Variants in CEP76 observed in about 807,000 individuals in gnomAD.
CEP76 encodes the protein centrosomal protein of 76 kDa.
In CEP76, 55 loss-of-function variants were observed where a neutral mutation model predicts 83.3. The ratio of observed to expected loss-of-function variants is 0.66; its 90% CI spans 0.53 to 0.83. The LOEUF (loss-of-function observed/expected upper bound fraction) is 0.83, where lower values mean the gene tolerates loss of function less well. Among genes scored for constraint, CEP76 ranks in the 40% least tolerant of loss-of-function variants. The pLI, the probability that CEP76 is intolerant of heterozygous loss-of-function variation, is 0.00. For missense variants in CEP76, 694 were observed against 799.5 expected, an observed-to-expected ratio of 0.87 and a Z score of 1.59; for synonymous variants, 270 against 274.5, an observed-to-expected ratio of 0.98 and a Z score of 0.16.
At chr18:12,664,349 C>A (rs537475011) in intron 12 of CEP76, among the ~76,000 whole-genome samples, 1 of 152,154 alleles carries the variant, frequency 6.6e-6, no homozygotes, top group Non-Finnish European at 1.5e-5. Context: ...CGAGACCATC[C>A]TGGCTAACAC....
chr18:12,678,171 C>T lies in CEP76; in HGVS notation c.1561G>A (p.Ala521Thr), dbSNP rs752539145. 7.4e-6 allele frequency: 12 copies of T among 1,614,022 alleles called. No individual in the cohort carries two copies. The highest frequency in any genetic ancestry group is 4.0e-5 in the African/African-American group (3 of 74,912). ...TCAATTTCATTACTTGTTACTGACG[C>T]GTCAATTGTGGATGCACACAGAGGT... ...FPPLCASTID[A>T]SVTSNEIEMQ... The change falls in exon 10 of 12, where the codon GCG becomes ACG. Residue 521 changes from alanine to threonine, a missense_variant. By Grantham distance (58) the Ala-to-Thr change is moderately conservative. Transcript: ENST00000262127.
rs765652085 is a variant in CEP76 at position 12,683,186 on chromosome 18, C to CAAAAAAAAAAAAAAAAA, written c.1123-2375_1123-2359dup. Among the ~76,000 whole-genome samples, 32 of 63,656 alleles carry CAAAAAAAAAAAAAAAAA rather than the reference C, an allele frequency of 5.0e-4. 1 individual carries two copies. Among genetic ancestry groups the CAAAAAAAAAAAAAAAAA allele is most frequent in the African/African-American group, 5.9e-4 (10 of 16,982 alleles). 41.8% of individuals were successfully genotyped at this position (63,656 alleles called of 152,430 possible). On this transcript the variant is annotated intron_variant, in intron 8 of 11. Transcript: ENST00000262127. ...GAAACCCCATCTCTACTAAAAATAC[C>CAAAAAAAAAAAAAAAAA]AAAAAAAAAAAAAAAAAAGCCAGGC...
At chr18:12,686,896 G>C (rs1290544495) in intron 7 of CEP76, 1 of 152,408 alleles carries the variant, frequency 6.6e-6, no homozygotes, top group East Asian at 1.9e-4. Context: ...CTTGATTCTA[G>C]TTTGTTTCCA....
In CEP76 at chr18:12,699,148, A is replaced by AG; in HGVS notation, c.350dup (p.Glu120GlyfsTer7). ...CAGGTTCTTGCAGATGTTCCAAGAAAGCTTTTCCACCCAAAACCTGAAGGT... is the reference window on the plus strand; with the variant it reads ...CAGGTTCTTGCAGATGTTCCAAGAAAGGCTTTTCCACCCAAAACCTGAAGGT... On this transcript the variant is annotated frameshift_variant, in exon 4 of 12. Coordinates refer to ENST00000262127, the MANE Select transcript of CEP76 (RefSeq NM_024899.4). LOFTEE classifies it high-confidence loss of function. 3.7e-6 allele frequency: 6 copies of AG among 1,614,152 alleles called. No homozygotes were observed. Among genetic ancestry groups the AG allele is most frequent in the Non-Finnish European group, 5.1e-6 (6 of 1,179,998 alleles).
chr18:12,691,468 T>C lies in CEP76; in HGVS notation c.824A>G (p.Lys275Arg), dbSNP rs1179795087. ...AAATAATCGCTCTTTCTCTGCAGTTTTCTGACGTTCCAAAGCAAGCTTGAA... is the reference window on the plus strand; with the variant it reads ...AAATAATCGCTCTTTCTCTGCAGTTCTCTGACGTTCCAAAGCAAGCTTGAA... Reference protein sequence around the residue: ...VNTQLALERQKTAEKERLFLV... With the variant: ...VNTQLALERQRTAEKERLFLV... Residue 275 changes from lysine to arginine, a missense_variant, in exon 7 of 12, where the codon AAA becomes AGA. By Grantham distance (26) the Lys-to-Arg change is conservative. Coordinates refer to ENST00000262127, the MANE Select transcript of CEP76 (RefSeq NM_024899.4). 4 of 1,598,362 alleles carry C rather than the reference T, an allele frequency of 2.5e-6. No individual in the cohort carries two copies. The highest frequency in any genetic ancestry group is 1.3e-5 in the African/African-American group (1 of 74,308).
chr18:12,678,020 A>T, intron 10 of CEP76, 89 bp downstream of exon 10: 1 of 959,088 alleles, frequency 1.0e-6, no homozygotes, highest in East Asian at 2.5e-5. Context: ...GGGCTAGAAT[A>T]GTGACTGGCA....
chr18:12,700,338 G>A (rs2040109101), intron 2 of CEP76: 2 of 153,006 alleles, frequency 1.3e-5, no homozygotes, highest in African/African-American at 4.8e-5. Flanking sequence ...AAAAGGTGCT[G>A]TATTAAAATA....
chr18:12,670,581 G>T (rs2038917741), downstream of CEP76: 1 of 151,956 alleles, frequency 6.6e-6, no homozygotes, highest in African/African-American at 2.4e-5. Flanking sequence ...CTCATAGTTT[G>T]TCTCAAAAGT....
In CEP76 at chr18:12,693,451, G is replaced by A. The variant is rs889264095; in HGVS notation, c.804+1803C>T. On this transcript the variant is annotated intron_variant, in intron 6 of 11. Coordinates refer to ENST00000262127, the MANE Select transcript of CEP76 (RefSeq NM_024899.4). ...AATAAAATTTAATTAAAAAAAACAA[G>A]CTACTACCCCAAAAAAGTAGAGCCC... 1.3e-4 allele frequency among the ~76,000 whole-genome samples: 19 copies of A among 151,858 alleles called. No homozygotes were observed. In the South Asian group the frequency reaches 3.8e-3, roughly 30 times the overall value.
At chr18:12,664,213 C>T (rs1416257796) in intron 12 of CEP76, among the ~76,000 whole-genome samples, 1 of 151,974 alleles carries the variant, frequency 6.6e-6, no homozygotes, top group Non-Finnish European at 1.5e-5. Flanking sequence ...TGGGCCGGGA[C>T]TACAGGGATG....
intron 8 of CEP76, among the ~76,000 whole-genome samples, chr18:12,681,335 C>T (rs2039343838): frequency 1.3e-5 from 2 of 149,630 alleles, no homozygotes. Flanking sequence ...CAGCCTTGAC[C>T]TCCTGGGCTT....
intron 10 of CEP76, among the ~76,000 whole-genome samples, chr18:12,676,697 T>C (rs574345639): frequency 6.6e-6 from 1 of 152,302 alleles, no homozygotes; most frequent in East Asian, 1.9e-4. Context: ...TCCAGCAATA[T>C]AATGGACCAG....
chr18:12,692,944 T>G (rs1568027667), intron 6 of CEP76, among the ~76,000 whole-genome samples: 1 of 152,132 alleles, frequency 6.6e-6, no homozygotes, highest in Non-Finnish European at 1.5e-5. Context: ...CACCTCAGCC[T>G]CCCCAGTAGC....
intron 6 of CEP76, among the ~76,000 whole-genome samples, chr18:12,693,702 G>C (rs1234611320): frequency 2.0e-5 from 3 of 152,098 alleles, no homozygotes; most frequent in African/African-American, 7.2e-5. Flanking sequence ...AGAATTGCTT[G>C]AACTCGGCAG....
At chr18:12,693,311 T>C (rs1331146872) in intron 6 of CEP76, among the ~76,000 whole-genome samples, 2 of 152,002 alleles carry the variant, frequency 1.3e-5, no homozygotes, top group African/African-American at 4.8e-5. Context: ...GCAATCCCAA[T>C]GTTTTGGGAG....
At chr18:12,696,010 T>C (rs2039944158) in intron 5 of CEP76, among the ~76,000 whole-genome samples, 1 of 152,104 alleles carries the variant, frequency 6.6e-6, no homozygotes. Context: ...AGAAAACAAA[T>C]ATACTTCACA....
intron 1 of CEP76, among the ~76,000 whole-genome samples, chr18:12,701,944 C>T (rs1325740394): frequency 1.3e-5 from 2 of 152,046 alleles, no homozygotes; most frequent in Admixed American, 6.6e-5. Context: ...GCCACACCAA[C>T]ATGGTGAAAC....
chr18:12,682,404 G>A (rs923264807), intron 8 of CEP76, among the ~76,000 whole-genome samples: 1 of 152,042 alleles, frequency 6.6e-6, no homozygotes, highest in South Asian at 2.1e-4. Flanking sequence ...GCCCTGGCTG[G>A]TCTCGAATTC....
intron 1 of CEP76, among the ~76,000 whole-genome samples, chr18:12,701,496 G>A (rs1190972194): frequency 6.6e-6 from 1 of 152,122 alleles, no homozygotes; most frequent in African/African-American, 2.4e-5. Context: ...GTAACCTCAA[G>A]CCAACTTATT....
Sources: gnomAD v4.1 joint callset for allele counts (sites outside exome capture counted in the v4.1 genomes callset) on GRCh38, gnomAD v4.1.1 for gene constraint, MANE v1.5 for transcripts, NCBI Gene and HGNC (gene_info 2026-07-23, HGNC 2026-07-21) for gene names.